ARL5A: variants seen among roughly 807,000 people sequenced by gnomAD.
ARL5A encodes the protein ADP-ribosylation factor-like protein 5A.
In ARL5A, 18 loss-of-function variants were observed where a neutral mutation model predicts 25.9. The observed-to-expected ratio is 0.69, with a 90% CI of 0.48 to 1.03. The LOEUF (loss-of-function observed/expected upper bound fraction) is 1.03, where lower values mean the gene tolerates loss of function less well. Among genes scored for constraint, ARL5A ranks in the 50% least tolerant of loss-of-function variants. The pLI is 0.00. For missense variants in ARL5A, 170 were observed against 211.9 expected (o/e 0.80, Z 1.23); for synonymous variants, 61 against 67.5 (o/e 0.90, Z 0.47).
Position 151,812,361 on chromosome 2 carries a change from T to C in ARL5A, c.335A>G (p.His112Arg), listed in dbSNP as rs1169194447. Residue 112 changes from histidine (H) to arginine (R), a missense_variant, in exon 4 of 6, where the codon CAT (histidine) becomes CGT (arginine). Coordinates refer to ENST00000295087, the MANE Select transcript of ARL5A (RefSeq NM_012097.4). ...TREELYKMLA[H>R]EDLRKAGLLI... ...GTAAAAAGACTACTTACTTACCTCA[T>C]GCGCTAACATTTTATAGAGTTCTTC... The C allele has an allele frequency of 3.1e-6, 5 of 1,598,386 alleles. No individual in the cohort carries two copies. The highest frequency in any genetic ancestry group is 4.4e-4 in the Middle Eastern group (2 of 4,540).
At chr2:151,803,807 G>A (rs1306754778) in intron 5 of ARL5A, among the ~76,000 whole-genome samples, 1 of 152,084 alleles carries the variant, frequency 6.6e-6, no homozygotes, top group Admixed American at 6.5e-5. Flanking sequence ...CTGGCAATAC[G>A]TATCAAAAAT....
chr2:151,804,779 A>C (rs989275051), intron 5 of ARL5A, among the ~76,000 whole-genome samples: 4 of 152,212 alleles, frequency 2.6e-5, no homozygotes, highest in African/African-American at 2.4e-5. Flanking sequence ...ATGTTAGCAA[A>C]TGGGAAAAGT....
In ARL5A at chr2:151,818,966, GCA is replaced by G. The variant is rs577669019; in HGVS notation, c.47-3769_47-3768del. On this transcript the variant is annotated intron_variant, in intron 1 of 5. Coordinates refer to ENST00000295087, the MANE Select transcript of ARL5A (RefSeq NM_012097.4). ...ATTCCCCCAATGTATTAGCTACGGG[GCA>G]GAATTTAGATGGGCTTCTCAATACT... is the stretch of plus-strand genomic sequence containing the variant. Among the ~76,000 whole-genome samples, 21 of 152,184 alleles carry G rather than the reference GCA, an allele frequency of 1.4e-4. No homozygotes were observed. The South Asian group carries it at 4.4e-3, about 32-fold the overall frequency.
chr2:151,825,148 T>C (rs1238688748), intron 1 of ARL5A, among the ~76,000 whole-genome samples: 2 of 152,240 alleles, frequency 1.3e-5, no homozygotes, highest in Non-Finnish European at 2.9e-5. Flanking sequence ...GAACACTTCC[T>C]GGACTAAATA....
chr2:151,804,135 T>G (rs1318911064), intron 5 of ARL5A, among the ~76,000 whole-genome samples: 1 of 152,128 alleles, frequency 6.6e-6, no homozygotes, highest in East Asian at 1.9e-4. Flanking sequence ...AAATATATAT[T>G]GTAGTTATTA....
chr2:151,825,808 T>C (rs896378406), intron 1 of ARL5A, among the ~76,000 whole-genome samples: 6 of 150,846 alleles, frequency 4.0e-5, no homozygotes, highest in Non-Finnish European at 7.4e-5. Flanking sequence ...ATCTAACTTA[T>C]ATATGTCCTA....
At chr2:151,820,660 C>CAAAAAAAAAAAAAAAAA (rs71410438) in intron 1 of ARL5A, among the ~76,000 whole-genome samples, 1 of 45,062 alleles carries the variant, frequency 2.2e-5, no homozygotes, top group African/African-American at 1.0e-4. Context: ...ATCCTGTCTC[C>CAAAAAAAAAAAAAAAAA]AAAAAAAAAA....
chr2:151,806,688 T>C (rs1048907847), intron 5 of ARL5A, 133 bp downstream of exon 5: 2 of 846,790 alleles, frequency 2.4e-6, no homozygotes, highest in Non-Finnish European at 3.5e-6. Context: ...ATTATAGACA[T>C]GAACTACAGC....
chr2:151,812,567 T>C (rs930565246), intron 3 of ARL5A, 127 bp from the exon 4 acceptor site: 11 of 559,550 alleles, frequency 2.0e-5, no homozygotes, highest in Non-Finnish European at 3.2e-5. Flanking sequence ...TGTTGGAAAA[T>C]CAGAGCTACC....
Position 151,814,293 on chromosome 2 carries a change from G to C in ARL5A, c.131C>G (p.Thr44Arg). ...TACATTACTTCCTATTGTAGGAGATGTATGTACAACTTCATTCATAGAACT... is the reference window on the plus strand; with the variant it reads ...TACATTACTTCCTATTGTAGGAGATCTATGTACAACTTCATTCATAGAACT... ...YQFSMNEVVH[T>R]SPTIGSNVEE... Residue 44 changes from threonine to arginine, a missense_variant, in exon 3 of 6, where the codon ACA (threonine) becomes AGA (arginine). Thr to Arg is a moderately conservative substitution (Grantham distance 71, BLOSUM62 -1). Transcript: ENST00000295087. 6.3e-7 allele frequency: 1 copy of C among 1,581,410 alleles called. No homozygotes were observed. The highest frequency in any genetic ancestry group is 8.6e-7 in the Non-Finnish European group (1 of 1,167,494).
At chr2:151,821,936 G>A (rs1212703754) in intron 1 of ARL5A, among the ~76,000 whole-genome samples, 2 of 151,142 alleles carry the variant, frequency 1.3e-5, no homozygotes, top group African/African-American at 2.4e-5. Context: ...TGCAACCTCT[G>A]CCTCCCAGGT....
chr2:151,808,722 A>G (rs2099830430), intron 4 of ARL5A, among the ~76,000 whole-genome samples: 1 of 152,192 alleles, frequency 6.6e-6, no homozygotes, highest in Non-Finnish European at 1.5e-5. Context: ...ATATACAGTA[A>G]ATATTTTTTC....
chr2:151,799,862 G>A lies in ARL5A; in HGVS notation c.*3414C>T, dbSNP rs2099829177. On this transcript the variant is annotated 3_prime_UTR_variant, in exon 6 of 6. Coordinates refer to ENST00000295087, the MANE Select transcript of ARL5A (RefSeq NM_012097.4). ...CAAAGAAAGTTTAGAATAACCTCCA[G>A]GACAGAGATCTCTTCACTAATAGTA... The A allele has an allele frequency of 6.6e-6, 1 of 152,166 alleles. No homozygotes were observed. Among genetic ancestry groups the A allele is most frequent in the Non-Finnish European group, 1.5e-5 (1 of 68,028 alleles). 9.4% of individuals were successfully genotyped at this position (152,166 alleles called of 1,614,324 possible). A position where few individuals can be genotyped will look rare whatever the true frequency, so the allele number is the denominator to read the frequency against.
chr2:151,816,601 G>A (rs2099831543), intron 1 of ARL5A, among the ~76,000 whole-genome samples: 1 of 152,062 alleles, frequency 6.6e-6, no homozygotes. Flanking sequence ...GTAAGATAGG[G>A]GAAATACCAC....
At chr2:151,806,728 A>C in intron 5 of ARL5A, 93 bp downstream of exon 5, 1 of 1,307,718 alleles carries the variant, frequency 7.6e-7, no homozygotes, top group African/African-American at 1.5e-5. Flanking sequence ...TGTTTTATAC[A>C]CAATAGCCTT....
chr2:151,821,919 G>A (rs969721745), intron 1 of ARL5A, among the ~76,000 whole-genome samples: 1 of 151,082 alleles, frequency 6.6e-6, no homozygotes, highest in Non-Finnish European at 1.5e-5. Context: ...GCATGATCTC[G>A]GCTCACTGCA....
intron 5 of ARL5A, among the ~76,000 whole-genome samples, chr2:151,804,144 T>TA (rs1467573509): frequency 6.6e-6 from 1 of 152,166 alleles, no homozygotes; most frequent in East Asian, 1.9e-4. Flanking sequence ...TTGTAGTTAT[T>TA]AAAACAAAGT....
chr2:151,807,434 T>A (rs1364044360), intron 4 of ARL5A, among the ~76,000 whole-genome samples: 1 of 152,174 alleles, frequency 6.6e-6, no homozygotes, highest in Admixed American at 6.6e-5. Context: ...TTCAAATCAT[T>A]TCTCTTGCAT....
chr2:151,825,815 C>T (rs2099832976), intron 1 of ARL5A, among the ~76,000 whole-genome samples: 1 of 149,800 alleles, frequency 6.7e-6, no homozygotes. Context: ...TTATATATGT[C>T]CTATACAGAA....
Sources: allele counts gnomAD v4.1 joint callset (sites outside exome capture counted in the v4.1 genomes callset), GRCh38; gene constraint gnomAD v4.1.1; transcripts MANE v1.5; gene names NCBI Gene and HGNC (gene_info 2026-07-23, HGNC 2026-07-21).